The following FRYL variants were observed in gnomAD, a reference collection of about 807,000 sequenced individuals.
The protein encoded by FRYL is FRY like transcription coactivator, also known as protein furry homolog-like.
Under a neutral mutation model 351.2 loss-of-function variants are expected in FRYL, and 150 were observed. That is an observed-to-expected ratio of 0.43 (90% CI 0.37 to 0.49). The LOEUF is 0.49. FRYL is among the 20% of genes least tolerant of loss of function. The pLI is 0.00. For synonymous variants in FRYL, 1,153 were observed against 1,257.1 expected (o/e 0.92, Z 1.75); for missense variants, 3,036 against 3,619.3 (o/e 0.84, Z 4.13).
intron 1 of FRYL, among the ~76,000 whole-genome samples, chr4:48,743,214 A>G (rs575891268): frequency 6.6e-6 from 1 of 152,084 alleles, no homozygotes; most frequent in South Asian, 2.1e-4. Flanking sequence ...TAGAAAGAAC[A>G]CTGAATTTAC....
At chr4:48,599,197 AT>A (rs1331229460) in intron 13 of FRYL, among the ~76,000 whole-genome samples, 1 of 152,176 alleles carries the variant, frequency 6.6e-6, no homozygotes, top group African/African-American at 2.4e-5. Context: ...GTTGAAAAAA[AT>A]CTCCAAATTA....
intron 3 of FRYL, among the ~76,000 whole-genome samples, chr4:48,664,347 A>G (rs944285674): frequency 3.3e-5 from 5 of 152,216 alleles, no homozygotes; most frequent in Admixed American, 6.5e-5. Flanking sequence ...CTGAGGTGAA[A>G]GACAATTACT....
chr4:48,754,879 T>TGA (rs901947901), intron 1 of FRYL, among the ~76,000 whole-genome samples: 1 of 152,086 alleles, frequency 6.6e-6, no homozygotes, highest in African/African-American at 2.4e-5. Context: ...TGACCTCAGG[T>TGA]GATCCACCCG....
intron 4 of FRYL, among the ~76,000 whole-genome samples, chr4:48,623,659 T>C (rs1344756050): frequency 6.6e-6 from 1 of 152,124 alleles, no homozygotes; most frequent in Non-Finnish European, 1.5e-5. Flanking sequence ...GCTGATGCCT[T>C]ATGGTCTCTG....
At chr4:48,774,689 G>C (rs1477055769) in intron 1 of FRYL, among the ~76,000 whole-genome samples, 1 of 151,918 alleles carries the variant, frequency 6.6e-6, no homozygotes, top group African/African-American at 2.4e-5. Context: ...GGGACTACAG[G>C]CATGTGCCAC....
At chr4:48,677,719 A>T (rs561216049) in intron 3 of FRYL, among the ~76,000 whole-genome samples, 1 of 152,322 alleles carries the variant, frequency 6.6e-6, no homozygotes, top group African/African-American at 2.4e-5. Flanking sequence ...CCGAAAAAAT[A>T]ACTTTTTAAA....
intron 1 of FRYL, among the ~76,000 whole-genome samples, chr4:48,724,148 A>C (rs973349923): frequency 5.9e-5 from 9 of 151,944 alleles, no homozygotes; most frequent in South Asian, 2.1e-4. Flanking sequence ...TTGAAATTAA[A>C]ATTAAAATTT....
chr4:48,578,118 G>A (rs1026791669), intron 23 of FRYL, among the ~76,000 whole-genome samples: 2 of 151,642 alleles, frequency 1.3e-5, no homozygotes, highest in Non-Finnish European at 2.9e-5. Context: ...GGTATCCTAC[G>A]CTCATGTGAA....
At chr4:48,675,358 A>C (rs1226063607) in intron 3 of FRYL, among the ~76,000 whole-genome samples, 1 of 152,188 alleles carries the variant, frequency 6.6e-6, no homozygotes, top group Non-Finnish European at 1.5e-5. Context: ...CGCGAGCGGA[A>C]ACCGGGGCTG....
At chr4:48,674,714 G>A (rs1763272792) in intron 3 of FRYL, among the ~76,000 whole-genome samples, 1 of 109,376 alleles carries the variant, frequency 9.1e-6, no homozygotes, top group Non-Finnish European at 1.7e-5. Context: ...TCCAGCCAGG[G>A]CGACAGAGCA....
At chr4:48,548,127 A>G (rs551953876) in intron 40 of FRYL, among the ~76,000 whole-genome samples, 8 of 152,256 alleles carry the variant, frequency 5.3e-5, no homozygotes, top group Admixed American at 3.9e-4. Flanking sequence ...AACTGAAGGA[A>G]TGATGTAATA....
At chr4:48,636,515 C>T (rs954637519) in intron 3 of FRYL, among the ~76,000 whole-genome samples, 9 of 151,918 alleles carry the variant, frequency 5.9e-5, no homozygotes, top group African/African-American at 1.9e-4. Flanking sequence ...AACATTTTTT[C>T]TACAAAGAAA....
intron 3 of FRYL, among the ~76,000 whole-genome samples, chr4:48,643,261 T>C (rs925187803): frequency 7.9e-5 from 12 of 152,094 alleles, no homozygotes; most frequent in Admixed American, 5.9e-4. Flanking sequence ...AGAATTGAAA[T>C]AGATGGGCTG....
chr4:48,512,400 G>T, intron 57 of FRYL, 81 bp downstream of exon 57: 2 of 1,126,126 alleles, frequency 1.8e-6, no homozygotes, highest in East Asian at 2.4e-5. Flanking sequence ...TATTAAAATC[G>T]GAGATGCTGA....
At chr4:48,607,253 A>G (rs1223395826) in intron 9 of FRYL, among the ~76,000 whole-genome samples, 2 of 152,158 alleles carry the variant, frequency 1.3e-5, no homozygotes, top group African/African-American at 4.8e-5. Flanking sequence ...ACAACTAAAG[A>G]CTTTACTGAT....
chr4:48,681,956 C>T (rs1414412730), intron 3 of FRYL, among the ~76,000 whole-genome samples: 1 of 152,054 alleles, frequency 6.6e-6, no homozygotes, highest in Non-Finnish European at 1.5e-5. Context: ...CAAGAGAGTA[C>T]AATAAAGGAA....
intron 44 of FRYL, among the ~76,000 whole-genome samples, chr4:48,542,493 T>C (rs1398345758): frequency 6.6e-6 from 1 of 152,222 alleles, no homozygotes; most frequent in African/African-American, 2.4e-5. Context: ...CTTGGCTCAA[T>C]GCAACCTCTG....
chr4:48,615,143 A>C (rs1168934415), intron 7 of FRYL, among the ~76,000 whole-genome samples: 2 of 152,100 alleles, frequency 1.3e-5, no homozygotes, highest in Non-Finnish European at 2.9e-5. Flanking sequence ...TGCTTTTATC[A>C]CATTATGAAA....
At chr4:48,695,586 T>C (rs1338915315) in intron 2 of FRYL, among the ~76,000 whole-genome samples, 1 of 151,986 alleles carries the variant, frequency 6.6e-6, no homozygotes, top group Admixed American at 6.6e-5. Flanking sequence ...TGTCCATAAA[T>C]ATAATAAACT....
Sources: allele counts gnomAD v4.1 joint callset (sites outside exome capture counted in the v4.1 genomes callset), GRCh38; gene constraint gnomAD v4.1.1; transcripts MANE v1.5; gene names NCBI Gene and HGNC (gene_info 2026-07-23, HGNC 2026-07-21).